TSPEAR: variants seen among roughly 807,000 people sequenced by gnomAD.
TSPEAR encodes the protein thrombospondin-type laminin G domain and EAR repeat-containing protein.
A neutral mutation model predicts 71.6 loss-of-function variants in TSPEAR; 69 were observed. The observed-to-expected ratio is 0.96, with a 90% CI of 0.79 to 1.18. The LOEUF (loss-of-function observed/expected upper bound fraction) is 1.18, where lower values mean the gene tolerates loss of function less well. Among genes scored for constraint, TSPEAR ranks in the 50% most tolerant of loss-of-function variants. The pLI is 0.00. For missense variants in TSPEAR, 971 were observed against 894.9 expected, an observed-to-expected ratio of 1.09 and a Z score of -1.09; for synonymous variants, 402 against 387.2, an observed-to-expected ratio of 1.04 and a Z score of -0.45.
intron 1 of TSPEAR, chr21:44,627,744 C>G: frequency 6.3e-7 from 1 of 1,595,354 alleles, no homozygotes; most frequent in Non-Finnish European, 8.6e-7. Context: ...GTAAGCCTGT[C>G]TGCTGCAAAC....
At position 44,503,835 on chromosome 21, in the gene TSPEAR, GGCCGGCCTTGGTGAGCCCTTGGGGGGAA is replaced by G. The variant is rs1260622854; in HGVS notation, c.1856+917_1856+944del. Among the ~76,000 whole-genome samples, 379 of 123,992 alleles carry G rather than the reference GGCCGGCCTTGGTGAGCCCTTGGGGGGAA, an allele frequency of 3.1e-3. 3 individuals are homozygous for G. Among genetic ancestry groups the G allele is most frequent in the South Asian group, 9.7e-3 (36 of 3,698 alleles). The allele number at this position is 123,992 out of a possible 152,430, so 81.3% of individuals were successfully genotyped here. A position where few individuals can be genotyped will look rare whatever the true frequency, so the allele number is the denominator to read the frequency against. ...GGGGGGAAGCAAGGCGCTGGGAGGAGGCCGGCCTTGGTGAGCCCTTGGGGGGAAGCCGGCCTTGGTGAGCCCACAGGGG... is the reference window on the plus strand; with the variant it reads ...GGGGGGAAGCAAGGCGCTGGGAGGAGGCCGGCCTTGGTGAGCCCACAGGGG... On this transcript the variant is annotated intron_variant, in intron 11 of 11. Coordinates refer to ENST00000323084, the MANE Select transcript of TSPEAR (RefSeq NM_144991.3).
intron 11 of TSPEAR, 27 bp from the exon 12 acceptor site, chr21:44,499,963 T>C: frequency 6.3e-7 from 1 of 1,586,188 alleles, no homozygotes; most frequent in East Asian, 2.3e-5. Context: ...GGCAGCCGGG[T>C]CAGCCTGGGC....
chr21:44,630,676 AGGAAGTGAAGG>A (rs112160116), intron 1 of TSPEAR, among the ~76,000 whole-genome samples: 16,758 of 151,614 alleles, frequency 0.11, 1,063 homozygotes, highest in African/African-American at 0.16. Context: ...AGGGGAAGGC[AGGAAGTGAAGG>A]GGAAGTGAAG....
At chr21:44,606,121 A>G (rs182797027) in intron 1 of TSPEAR, among the ~76,000 whole-genome samples, 1 of 151,150 alleles carries the variant, frequency 6.6e-6, no homozygotes, top group Non-Finnish European at 1.5e-5. Context: ...AACCCAATCT[A>G]AAAATGGACA....
chr21:44,600,944 C>T, intron 1 of TSPEAR: 1 of 1,612,158 alleles, frequency 6.2e-7, no homozygotes, highest in Non-Finnish European at 8.5e-7. Flanking sequence ...TGCCAGCAGG[C>T]CTGCTGCGTG....
intron 1 of TSPEAR, chr21:44,702,108 A>T: frequency 2.0e-6 from 2 of 977,262 alleles, no homozygotes; most frequent in Non-Finnish European, 3.0e-6. Flanking sequence ...GGGAAACTTC[A>T]CCCAGGAGAG....
intron 1 of TSPEAR, chr21:44,690,498 A>G (rs113290288): frequency 1.0e-6 from 1 of 958,690 alleles, no homozygotes; most frequent in Non-Finnish European, 1.2e-6. Flanking sequence ...TAAAAATCAG[A>G]TTAGCATCAG....
intron 1 of TSPEAR, among the ~76,000 whole-genome samples, chr21:44,643,569 G>T (rs1464747392): frequency 6.6e-6 from 1 of 151,922 alleles, no homozygotes; most frequent in Non-Finnish European, 1.5e-5. Context: ...ATAAAGCTGG[G>T]GAAAAAGGGA....
intron 9 of TSPEAR, among the ~76,000 whole-genome samples, chr21:44,514,620 T>A (rs1248986098): frequency 6.6e-6 from 1 of 152,094 alleles, no homozygotes; most frequent in Non-Finnish European, 1.5e-5. Context: ...GGAGTCCACA[T>A]TTGGTGACCG....
At chr21:44,596,009 G>A (rs868958667) in intron 1 of TSPEAR, among the ~76,000 whole-genome samples, 1 of 152,170 alleles carries the variant, frequency 6.6e-6, no homozygotes, top group Non-Finnish European at 1.5e-5. Flanking sequence ...CTCGGTTTCT[G>A]TGGGTCAGGA....
intron 9 of TSPEAR, among the ~76,000 whole-genome samples, chr21:44,511,373 T>C (rs150236247): frequency 3.7e-3 from 546 of 148,646 alleles, no homozygotes; most frequent in African/African-American, 0.013. Flanking sequence ...CACACACACA[T>C]ATATGCTTAC....
chr21:44,542,151 C>T (rs754378239), intron 2 of TSPEAR, among the ~76,000 whole-genome samples: 7 of 151,880 alleles, frequency 4.6e-5, no homozygotes, highest in Non-Finnish European at 7.4e-5. Flanking sequence ...ATTCTGGAAA[C>T]GAAGAACACA....
chr21:44,505,688 T>C (rs2052181814), intron 10 of TSPEAR, among the ~76,000 whole-genome samples: 1 of 151,154 alleles, frequency 6.6e-6, no homozygotes, highest in Non-Finnish European at 1.5e-5. Context: ...GTGTCTGCCT[T>C]AGCTGAGACT....
chr21:44,575,257 G>A (rs1555923790), intron 1 of TSPEAR: 10 of 577,038 alleles, frequency 1.7e-5, no homozygotes, highest in Non-Finnish European at 2.8e-5. Context: ...CCTCTCATGA[G>A]GGTCAGTTCA....
intron 9 of TSPEAR, chr21:44,517,782 C>T (rs1401184355): frequency 6.4e-6 from 3 of 471,114 alleles, no homozygotes; most frequent in Non-Finnish European, 1.3e-5. Context: ...CTCCTGATAT[C>T]CAGGGCTGCC....
In TSPEAR at chr21:44,647,014, C is replaced by G. The variant is rs1453217985; in HGVS notation, c.82+64419G>C. On this transcript the variant is annotated intron_variant, in intron 1 of 11. Transcript: ENST00000323084. ...TTGCTGCACCTCCTCCTCCTACCAG[C>G]AGGCCTGCTGCGTGCCTGTCTGCTG... 2 of 1,613,690 alleles carry G rather than the reference C, an allele frequency of 1.2e-6. No individual in the cohort carries two copies. The highest frequency in any genetic ancestry group is 2.7e-5 in the African/African-American group (2 of 74,742).
chr21:44,602,417 C>G (rs1690594280), intron 1 of TSPEAR, among the ~76,000 whole-genome samples: 1 of 152,242 alleles, frequency 6.6e-6, no homozygotes, highest in African/African-American at 2.4e-5. Context: ...TCCCCAGAAA[C>G]TGGGTTGTGT....
At chr21:44,668,547 A>C (rs1278771592) in intron 1 of TSPEAR, among the ~76,000 whole-genome samples, 1 of 152,224 alleles carries the variant, frequency 6.6e-6, no homozygotes, top group East Asian at 1.9e-4. Context: ...ACCCATCCTA[A>C]AGTTTATGTG....
In TSPEAR at chr21:44,498,638, A is replaced by G. The variant is rs1217088259; in HGVS notation, c.*1145T>C. 1 of 152,266 alleles carries G rather than the reference A, an allele frequency of 6.6e-6. No homozygotes were observed. Among genetic ancestry groups the G allele is most frequent in the African/African-American group, 2.4e-5 (1 of 41,466 alleles). The allele number at this position is 152,266 out of a possible 1,614,324, so 9.4% of individuals were successfully genotyped here. On this transcript the variant is annotated 3_prime_UTR_variant, in exon 12 of 12. Coordinates refer to ENST00000323084, the MANE Select transcript of TSPEAR (RefSeq NM_144991.3). ...GTGAACAGACAGCTGCGGTGTAGGA[A>G]ATAGGAAGTTTTGTCCACAGTTCTG...
Sources: allele counts gnomAD v4.1 joint callset (sites outside exome capture counted in the v4.1 genomes callset), GRCh38; gene constraint gnomAD v4.1.1; transcripts MANE v1.5; gene names NCBI Gene and HGNC (gene_info 2026-07-23, HGNC 2026-07-21).